Variants in OPHN1 observed in about 807,000 individuals in gnomAD.
OPHN1 encodes oligophrenin 1.
Under a neutral mutation model 60.7 loss-of-function variants are expected in OPHN1, and 11 were observed. That is an observed-to-expected ratio of 0.18 (90% CI 0.11 to 0.30). The LOEUF is 0.30. Among genes scored for constraint, OPHN1 ranks in the 10% least tolerant of loss-of-function variants. The probability of loss-of-function intolerance (pLI) is 1.00; values close to 1 mark genes in which losing one functional copy is unlikely to be tolerated. For synonymous variants in OPHN1, 226 were observed against 222.6 expected (o/e 1.02, Z -0.14); for missense variants, 449 against 611.0 (o/e 0.73, Z 2.80).
chrX:68,373,369 T>G (rs1197745364), intron 2 of OPHN1, among the ~76,000 whole-genome samples: 2 of 112,329 alleles, frequency 1.8e-5, no homozygotes, highest in Admixed American at 9.4e-5. Flanking sequence ...CATCTTGCTT[T>G]ATTCACAGTC....
intron 5 of OPHN1, among the ~76,000 whole-genome samples, chrX:68,249,569 C>A (rs775003037): frequency 8.9e-6 from 1 of 111,959 alleles, no homozygotes; most frequent in African/African-American, 3.2e-5. Flanking sequence ...CAAATCTCCC[C>A]TCTGTGTACT....
intron 2 of OPHN1, among the ~76,000 whole-genome samples, chrX:68,345,131 T>G (rs1306765495): frequency 8.9e-6 from 1 of 112,407 alleles, no homozygotes; most frequent in Non-Finnish European, 1.9e-5. Flanking sequence ...TTTTTTCAAA[T>G]AAAGAAAGAA....
At position 68,231,833 on chromosome X, in the gene OPHN1, G is replaced by A. The variant is rs73212873; in HGVS notation, c.486+2654C>T. Among the ~76,000 whole-genome samples, 823 of 111,699 alleles carry A rather than the reference G, an allele frequency of 7.4e-3. 3 individuals carry two copies. Among genetic ancestry groups the A allele is most frequent in the Non-Finnish European group, 0.011 (577 of 53,139 alleles). ...AAAGTCCAGGGATGTTCAAGGCAGC[G>A]AAACTGTCCTGTACAATATGGTAAT... is the stretch of plus-strand genomic sequence containing the variant. On this transcript the variant is annotated intron_variant, in intron 6 of 24. Coordinates refer to ENST00000355520, the MANE Select transcript of OPHN1 (RefSeq NM_002547.3).
intron 19 of OPHN1, among the ~76,000 whole-genome samples, chrX:68,077,130 A>G (rs1820143994): frequency 1.8e-5 from 2 of 111,769 alleles, no homozygotes; most frequent in South Asian, 7.5e-4. Flanking sequence ...TAAAACTACA[A>G]TTCAAACAAG....
chrX:68,330,616 T>C (rs1209174927), intron 2 of OPHN1, among the ~76,000 whole-genome samples: 1 of 109,423 alleles, frequency 9.1e-6, no homozygotes, highest in African/African-American at 3.3e-5. Flanking sequence ...CTGGGCAACA[T>C]AGTGAGACTC....
intron 16 of OPHN1, among the ~76,000 whole-genome samples, chrX:68,116,101 G>A (rs759390024): frequency 8.1e-5 from 9 of 111,775 alleles, no homozygotes; most frequent in Non-Finnish European, 1.7e-4. Flanking sequence ...AAGGATTGTG[G>A]AGACCAAGTT....
chrX:68,422,868 A>G (rs999182624), intron 2 of OPHN1, among the ~76,000 whole-genome samples: 1 of 111,179 alleles, frequency 9.0e-6, no homozygotes, highest in Admixed American at 9.5e-5. Context: ...AAGAAAAAAG[A>G]AAAGAAAAGA....
At chrX:68,231,725 T>C (rs1475408385) in intron 6 of OPHN1, among the ~76,000 whole-genome samples, 1 of 111,830 alleles carries the variant, frequency 8.9e-6, no homozygotes, top group African/African-American at 3.2e-5. Context: ...ATACCAACTA[T>C]ATGACATTTT....
chrX:68,297,837 A>T (rs1398774144), intron 3 of OPHN1, among the ~76,000 whole-genome samples: 1 of 111,295 alleles, frequency 9.0e-6, no homozygotes, highest in African/African-American at 3.3e-5. Flanking sequence ...GGTTAGAAAG[A>T]TAATATTATA....
chrX:68,114,475 G>C (rs1345280914), intron 16 of OPHN1, among the ~76,000 whole-genome samples: 2 of 111,355 alleles, frequency 1.8e-5, no homozygotes, highest in Non-Finnish European at 3.8e-5. Flanking sequence ...AAGACAAACA[G>C]AGGGGCTAGT....
At chrX:68,170,584 G>A (rs1396980786) in intron 15 of OPHN1, among the ~76,000 whole-genome samples, 7 of 110,332 alleles carry the variant, frequency 6.3e-5, no homozygotes, top group South Asian at 3.9e-4. Context: ...CATATACACC[G>A]TGGAATACTA....
At chrX:68,198,183 C>T (rs767233677) in intron 11 of OPHN1, among the ~76,000 whole-genome samples, 3 of 111,529 alleles carry the variant, frequency 2.7e-5, no homozygotes, top group Admixed American at 9.6e-5. Flanking sequence ...GAAATGGGAC[C>T]TTTAGGAGGT....
At chrX:68,056,645 C>T (rs1344354196) in intron 21 of OPHN1, among the ~76,000 whole-genome samples, 5 of 111,495 alleles carry the variant, frequency 4.5e-5, no homozygotes, top group Non-Finnish European at 3.8e-5. Flanking sequence ...ATACTTTATA[C>T]TATTCAAAGC....
intron 15 of OPHN1, among the ~76,000 whole-genome samples, chrX:68,125,591 T>G (rs1001341331): frequency 1.8e-5 from 2 of 109,622 alleles, no homozygotes; most frequent in African/African-American, 6.6e-5. Context: ...AAGAAATTGA[T>G]AAATTCCTAG....
At chrX:68,186,066 G>C (rs1327680830) in intron 15 of OPHN1, among the ~76,000 whole-genome samples, 1 of 111,291 alleles carries the variant, frequency 9.0e-6, no homozygotes, top group African/African-American at 3.3e-5. Context: ...TGCTGCCAGT[G>C]AGGATCAACA....
chrX:68,104,810 G>C lies in OPHN1; in HGVS notation c.1526+7044C>G, dbSNP rs779507594. Among the ~76,000 whole-genome samples the C allele has an allele frequency of 7.2e-5, 8 of 111,873 alleles. No individual in the cohort carries two copies. The East Asian group carries it at 2.0e-3, about 28-fold the overall frequency. ...GCAACAAAAGTCAAAATTGACAAAG[G>C]GGATCTAATTAAACTAAAGAGATTC... On this transcript the variant is annotated intron_variant, in intron 18 of 24. Transcript: ENST00000355520.
intron 19 of OPHN1, among the ~76,000 whole-genome samples, chrX:68,089,186 T>C (rs971792943): frequency 9.0e-6 from 1 of 111,619 alleles, no homozygotes; most frequent in Non-Finnish European, 1.9e-5. Context: ...TCTGGCACAC[T>C]GGCCCCAGTC....
intron 15 of OPHN1, among the ~76,000 whole-genome samples, chrX:68,177,797 G>A (rs1475417): frequency 0.12 from 13,832 of 110,675 alleles, 692 homozygotes; most frequent in African/African-American, 0.18. Flanking sequence ...AACCATTCAC[G>A]AGAAATTCAC....
intron 15 of OPHN1, among the ~76,000 whole-genome samples, chrX:68,184,508 C>T (rs2077453117): frequency 1.0e-5 from 1 of 98,633 alleles, no homozygotes; most frequent in Admixed American, 1.1e-4. Flanking sequence ...GGTGACAGAG[C>T]GAGACTCCGT....
Sources: allele counts gnomAD v4.1 joint callset (sites outside exome capture counted in the v4.1 genomes callset), GRCh38; gene constraint gnomAD v4.1.1; transcripts MANE v1.5; gene names NCBI Gene and HGNC (gene_info 2026-07-23, HGNC 2026-07-21).